Variants in ANGPT1 observed in about 807,000 individuals in gnomAD.
The protein encoded by ANGPT1 is angiopoietin-1.
ANGPT1 carries 17 observed loss-of-function variants against 62.2 expected under a neutral mutation model. That is an observed-to-expected ratio of 0.27 (90% CI 0.19 to 0.41). The LOEUF (loss-of-function observed/expected upper bound fraction) is 0.41, where lower values mean the gene tolerates loss of function less well. Ranked by LOEUF, ANGPT1 falls within the 10% of genes least tolerant of loss-of-function variation. The pLI, the probability that ANGPT1 is intolerant of heterozygous loss-of-function variation, is 1.00. For synonymous variants in ANGPT1, 199 were observed against 198.9 expected, an observed-to-expected ratio of 1.00 and a Z score of 0.00; for missense variants, 478 against 594.9, an observed-to-expected ratio of 0.80 and a Z score of 2.04.
intron 4 of ANGPT1, among the ~76,000 whole-genome samples, chr8:107,314,307 T>C (rs933009350): frequency 2.0e-5 from 3 of 152,204 alleles, no homozygotes; most frequent in Admixed American, 6.5e-5. Context: ...CCTTTTCAGA[T>C]AGTTCATCTT....
At chr8:107,471,332 C>T (rs1812352872) in intron 1 of ANGPT1, among the ~76,000 whole-genome samples, 1 of 152,062 alleles carries the variant, frequency 6.6e-6, no homozygotes, top group African/African-American at 2.4e-5. Context: ...CATGTTCTCA[C>T]TCGTAAGTTG....
At chr8:107,390,952 T>C (rs1003255208) in intron 1 of ANGPT1, among the ~76,000 whole-genome samples, 2 of 152,146 alleles carry the variant, frequency 1.3e-5, no homozygotes, top group Admixed American at 1.3e-4. Flanking sequence ...AACTCCATTA[T>C]TAAATAACTC....
At chr8:107,370,161 A>G (rs574628495) in intron 1 of ANGPT1, among the ~76,000 whole-genome samples, 2 of 132,818 alleles carry the variant, frequency 1.5e-5, no homozygotes, top group East Asian at 4.6e-4. Context: ...AAAGAGAAAG[A>G]AAGAAAGAGA....
At chr8:107,366,687 T>C (rs565990934) in intron 1 of ANGPT1, among the ~76,000 whole-genome samples, 3 of 152,284 alleles carry the variant, frequency 2.0e-5, no homozygotes, top group East Asian at 1.9e-4. Flanking sequence ...ACAACATCAA[T>C]ATGGTGATCA....
chr8:107,490,175 A>C (rs1210173234), intron 1 of ANGPT1, among the ~76,000 whole-genome samples: 2 of 152,136 alleles, frequency 1.3e-5, no homozygotes, highest in African/African-American at 4.8e-5. Context: ...AACAAATGAC[A>C]GGGGGGAAAG....
At chr8:107,377,322 G>A (rs1044203717) in intron 1 of ANGPT1, among the ~76,000 whole-genome samples, 1 of 152,058 alleles carries the variant, frequency 6.6e-6, no homozygotes, top group Non-Finnish European at 1.5e-5. Context: ...CAATGAACAG[G>A]CCGAATTTCC....
intron 1 of ANGPT1, among the ~76,000 whole-genome samples, chr8:107,435,545 C>A (rs1470493816): frequency 6.6e-6 from 1 of 152,152 alleles, no homozygotes; most frequent in Non-Finnish European, 1.5e-5. Flanking sequence ...TGAGAAACCA[C>A]ATCTAAATGT....
chr8:107,336,270 A>C lies in ANGPT1; in HGVS notation c.455T>G (p.Val152Gly). 1 of 1,588,298 alleles carries C rather than the reference A, an allele frequency of 6.3e-7. No individual in the cohort carries two copies. Among genetic ancestry groups the C allele is most frequent in the Non-Finnish European group, 8.5e-7 (1 of 1,172,408 alleles). Residue 152 changes from valine to glycine, a missense_variant and splice_region_variant, in exon 3 of 9, where the codon GTA (valine) becomes GGA (glycine). Val to Gly is a moderately radical substitution (Grantham distance 109). Coordinates refer to ENST00000517746, the MANE Select transcript of ANGPT1 (RefSeq NM_001146.5). ...TRKLTDVETQ[V>G]LNQTSRLEIQ... Reference sequence around the variant, plus strand: ...CTCAAGTCGAGAAGTTTGATTTAGTACCTTAAGATAAAAGATGAAAATATT... The same window carrying C: ...CTCAAGTCGAGAAGTTTGATTTAGTCCCTTAAGATAAAAGATGAAAATATT...
At chr8:107,413,652 T>C (rs1027598108) in intron 1 of ANGPT1, among the ~76,000 whole-genome samples, 1 of 150,172 alleles carries the variant, frequency 6.7e-6, no homozygotes, top group African/African-American at 2.4e-5. Context: ...TGTTGAAATA[T>C]TAAATTAATA....
intron 1 of ANGPT1, among the ~76,000 whole-genome samples, chr8:107,349,652 G>T (rs1032858128): frequency 1.3e-5 from 2 of 152,056 alleles, no homozygotes; most frequent in Non-Finnish European, 2.9e-5. Flanking sequence ...CTTTATAGAT[G>T]AGACTATTGA....
intron 5 of ANGPT1, among the ~76,000 whole-genome samples, chr8:107,297,754 T>A (rs896119961): frequency 1.8e-5 from 2 of 110,686 alleles, no homozygotes; most frequent in Non-Finnish European, 4.0e-5. Context: ...TATGTATGCA[T>A]ATATATATAT....
intron 1 of ANGPT1, among the ~76,000 whole-genome samples, chr8:107,406,799 T>C (rs1379896897): frequency 6.6e-6 from 1 of 150,566 alleles, no homozygotes; most frequent in Non-Finnish European, 1.5e-5. Context: ...ATGATTGGAA[T>C]AAAATTGTTA....
chr8:107,348,033 C>A (rs1454645042), intron 1 of ANGPT1, among the ~76,000 whole-genome samples: 1 of 152,148 alleles, frequency 6.6e-6, no homozygotes, highest in Non-Finnish European at 1.5e-5. Context: ...ATTCCTCCAC[C>A]ACTGTGTGGT....
At chr8:107,380,690 CA>C (rs1816619911) in intron 1 of ANGPT1, among the ~76,000 whole-genome samples, 1 of 151,982 alleles carries the variant, frequency 6.6e-6, no homozygotes, top group Non-Finnish European at 1.5e-5. Flanking sequence ...AATGTGTCTC[CA>C]AAAAATGGAC....
intron 1 of ANGPT1, among the ~76,000 whole-genome samples, chr8:107,423,747 T>C (rs534134236): frequency 3.6e-4 from 55 of 152,158 alleles, no homozygotes; most frequent in African/African-American, 1.3e-3. Flanking sequence ...AATCATTCTT[T>C]CACTGTACCT....
At chr8:107,269,108 G>A (rs568637628) in intron 7 of ANGPT1, among the ~76,000 whole-genome samples, 1 of 152,056 alleles carries the variant, frequency 6.6e-6, no homozygotes, top group Admixed American at 6.6e-5. Flanking sequence ...GTACTTCTGT[G>A]GAATCCCAGA....
chr8:107,422,131 T>C lies in ANGPT1; in HGVS notation c.298-75034A>G, dbSNP rs183562498. Reference sequence around the variant, plus strand: ...ATTTTAAGGGTAATTTCGAGAAACATAAAATCGTTACCTTAGTCTACTGAA... The same window carrying C: ...ATTTTAAGGGTAATTTCGAGAAACACAAAATCGTTACCTTAGTCTACTGAA... On this transcript the variant is annotated intron_variant, in intron 1 of 8. Transcript: ENST00000517746. 2.0e-5 allele frequency among the ~76,000 whole-genome samples: 3 copies of C among 152,282 alleles called. No individual in the cohort carries two copies. In the East Asian group the frequency reaches 5.8e-4, roughly 29 times the overall value.
At chr8:107,497,136 T>C in intron 1 of ANGPT1, 126 bp downstream of exon 1, 1 of 1,143,704 alleles carries the variant, frequency 8.7e-7, no homozygotes, top group Non-Finnish European at 1.2e-6. Flanking sequence ...CGTCTTGCAA[T>C]TGCAAACACT....
intron 1 of ANGPT1, among the ~76,000 whole-genome samples, chr8:107,413,525 G>T (rs902834386): frequency 6.6e-6 from 1 of 151,274 alleles, no homozygotes; most frequent in Non-Finnish European, 1.5e-5. Flanking sequence ...ATAAGATTTA[G>T]TGAACTATTA....
Sources: gnomAD v4.1 joint callset for allele counts (sites outside exome capture counted in the v4.1 genomes callset) on GRCh38, gnomAD v4.1.1 for gene constraint, MANE v1.5 for transcripts, NCBI Gene and HGNC (gene_info 2026-07-23, HGNC 2026-07-21) for gene names.